Variants in LPP observed in about 807,000 individuals in gnomAD.
The protein encoded by LPP is LIM domain containing preferred translocation partner in lipoma, also known as lipoma-preferred partner.
In LPP, 38 loss-of-function variants were observed where a neutral mutation model predicts 60.4. The observed-to-expected ratio is 0.63, with a 90% CI of 0.49 to 0.83. The LOEUF is 0.83. LPP is among the 40% of genes least tolerant of loss of function. The probability of loss-of-function intolerance (pLI) is 0.00; values close to 1 mark genes in which losing one functional copy is unlikely to be tolerated. For synonymous variants in LPP, 328 were observed against 290.8 expected, an observed-to-expected ratio of 1.13 and a Z score of -1.30; for missense variants, 902 against 783.6, an observed-to-expected ratio of 1.15 and a Z score of -1.80.
Position 188,877,093 on chromosome 3 carries a change from A to G in LPP, c.*2614A>G, listed in dbSNP as rs1297206415. 2 of 173,790 alleles carry G rather than the reference A, an allele frequency of 1.2e-5. No homozygotes were observed. The highest frequency in any genetic ancestry group is 2.5e-5 in the Non-Finnish European group (2 of 80,482). 10.8% of individuals were successfully genotyped at this position (173,790 alleles called of 1,614,324 possible). ...TTTTTTTCTTTCACAAGGTATAATA[A>G]GGAAAGGATCCTACAATATTTTATT... On this transcript the variant is annotated 3_prime_UTR_variant, in exon 12 of 12. Coordinates refer to ENST00000617246, the MANE Select transcript of LPP (RefSeq NM_001375462.1).
At chr3:188,377,570 G>C (rs1040650310) in intron 3 of LPP, among the ~76,000 whole-genome samples, 1 of 152,096 alleles carries the variant, frequency 6.6e-6, no homozygotes, top group Non-Finnish European at 1.5e-5. Flanking sequence ...GTCCTTTAAG[G>C]ACTTCTCTGC....
At chr3:188,845,708 C>A (rs1191448843) in intron 9 of LPP, among the ~76,000 whole-genome samples, 1 of 152,116 alleles carries the variant, frequency 6.6e-6, no homozygotes, top group Admixed American at 6.5e-5. Flanking sequence ...AGAGCACTGA[C>A]GTGGGAATTG....
intron 3 of LPP, among the ~76,000 whole-genome samples, chr3:188,346,592 T>C (rs1764467254): frequency 6.6e-6 from 1 of 152,146 alleles, no homozygotes. Context: ...TATACGTGTG[T>C]GTATGTGCGT....
chr3:188,459,534 A>G (rs1798517577), intron 4 of LPP, among the ~76,000 whole-genome samples: 1 of 152,194 alleles, frequency 6.6e-6, no homozygotes, highest in Admixed American at 6.5e-5. Context: ...TTTACGTAGC[A>G]GTTCCTGATT....
chr3:188,749,976 A>C (rs1275629905), intron 8 of LPP, among the ~76,000 whole-genome samples: 1 of 152,182 alleles, frequency 6.6e-6, no homozygotes, highest in Non-Finnish European at 1.5e-5. Context: ...TAATTTATAA[A>C]GAATGAAAAT....
At chr3:188,734,235 G>A (rs181414687) in intron 8 of LPP, among the ~76,000 whole-genome samples, 3 of 152,138 alleles carry the variant, frequency 2.0e-5, no homozygotes. Context: ...TATCATAAAG[G>A]TGTTATAATT....
chr3:188,306,460 A>C (rs1251148027), intron 2 of LPP, among the ~76,000 whole-genome samples: 1 of 152,090 alleles, frequency 6.6e-6, no homozygotes, highest in Non-Finnish European at 1.5e-5. Context: ...CAAAGCTCCT[A>C]TTTCAGTGTC....
intron 5 of LPP, among the ~76,000 whole-genome samples, chr3:188,509,869 T>TGGC (rs1814866147): frequency 1.6e-5 from 1 of 61,536 alleles, no homozygotes; most frequent in Non-Finnish European, 3.7e-5. Context: ...ATTTTTTTTT[T>TGGC]GTTGTTTTTT....
At position 188,609,766 on chromosome 3, in the gene LPP, G is replaced by A. The variant is rs1374331104; in HGVS notation, c.1035G>A (p.Met345Ile). The A allele has an allele frequency of 1.2e-6, 2 of 1,614,044 alleles. No homozygotes were observed. Among genetic ancestry groups the A allele is most frequent in the Non-Finnish European group, 1.7e-6 (2 of 1,179,998 alleles). ...CAGGGAACCAGAACCCTCCTGGGATGTATCCAGTCACTGGTCCCAAGAAGA... is the reference window on the plus strand; with the variant it reads ...CAGGGAACCAGAACCCTCCTGGGATATATCCAGTCACTGGTCCCAAGAAGA... ...PGAGNQNPPG[M>I]YPVTGPKKTY... is the part of the protein sequence containing the mutation. Residue 345 changes from methionine (M) to isoleucine (I), a missense_variant, in exon 7 of 12, where the codon ATG becomes ATA. Coordinates refer to ENST00000617246, the MANE Select transcript of LPP (RefSeq NM_001375462.1). The surrounding 1 kb of genome is among the most constrained non-coding windows in gnomAD (Gnocchi z 6.9).
chr3:188,497,270 G>A (rs1810513757), intron 5 of LPP, among the ~76,000 whole-genome samples: 1 of 152,046 alleles, frequency 6.6e-6, no homozygotes, highest in Non-Finnish European at 1.5e-5. Flanking sequence ...CCTCAGAGTC[G>A]AATCTCAGTG....
At chr3:188,861,915 T>C (rs1368547572) in intron 9 of LPP, among the ~76,000 whole-genome samples, 1 of 152,232 alleles carries the variant, frequency 6.6e-6, no homozygotes, top group African/African-American at 2.4e-5. Context: ...AACCATACTT[T>C]CATTGGAGTA....
chr3:188,429,112 C>G (rs1274882229), intron 4 of LPP, among the ~76,000 whole-genome samples: 2 of 152,050 alleles, frequency 1.3e-5, no homozygotes, highest in African/African-American at 4.8e-5. Flanking sequence ...GAACTCTAAG[C>G]CTTTCATCAT....
At chr3:188,670,533 T>C (rs1446688747) in intron 7 of LPP, among the ~76,000 whole-genome samples, 1 of 152,080 alleles carries the variant, frequency 6.6e-6, no homozygotes. Flanking sequence ...CCACTGTTAT[T>C]CAAGGCTATC....
intron 4 of LPP, among the ~76,000 whole-genome samples, chr3:188,431,735 T>C (rs1243417510): frequency 6.6e-6 from 1 of 152,184 alleles, no homozygotes; most frequent in African/African-American, 2.4e-5. Context: ...TAAAACAATG[T>C]GATTGAACAA....
At position 188,760,234 on chromosome 3, in the gene LPP, G is replaced by A. The variant is rs747889832; in HGVS notation, c.1362G>A (p.Gln454=). Residue 454 remains glutamine (Q), a synonymous_variant, in exon 9 of 12, where the codon CAG becomes CAA. Coordinates refer to ENST00000617246, the MANE Select transcript of LPP (RefSeq NM_001375462.1). ...TCTGCAACAACAAGCTCCGAGGGCA[G>A]CCATTCTATGCTGTGGAAAAGAAAG... The part of the protein sequence containing the change: ...CIICNNKLRG[Q]PFYAVEKKAY... The A allele has an allele frequency of 6.2e-7, 1 of 1,614,166 alleles. No homozygotes were observed. Among genetic ancestry groups the A allele is most frequent in the Non-Finnish European group, 8.5e-7 (1 of 1,180,016 alleles).
At chr3:188,685,351 G>A (rs1430184779) in intron 7 of LPP, among the ~76,000 whole-genome samples, 1 of 152,084 alleles carries the variant, frequency 6.6e-6, no homozygotes, top group Admixed American at 6.6e-5. Flanking sequence ...ACAGCCGTGA[G>A]CATAGTGTGG....
intron 6 of LPP, among the ~76,000 whole-genome samples, chr3:188,541,183 G>A (rs957242017): frequency 6.6e-6 from 1 of 152,048 alleles, no homozygotes; most frequent in Non-Finnish European, 1.5e-5. Context: ...GCTAAAGCAT[G>A]TAAAGCAATA....
intron 7 of LPP, among the ~76,000 whole-genome samples, chr3:188,636,758 C>G (rs1274664650): frequency 6.6e-6 from 1 of 151,962 alleles, no homozygotes; most frequent in Non-Finnish European, 1.5e-5. Context: ...CCCCTGACCC[C>G]CGAGCAGCCT....
At chr3:188,390,171 C>T (rs1394918856) in intron 3 of LPP, among the ~76,000 whole-genome samples, 1 of 152,144 alleles carries the variant, frequency 6.6e-6, no homozygotes, top group African/African-American at 2.4e-5. Context: ...CTGCCCCTCC[C>T]TGCAATCTTT....
Sources: allele counts gnomAD v4.1 joint callset (sites outside exome capture counted in the v4.1 genomes callset), GRCh38; gene constraint gnomAD v4.1.1; non-coding constraint Gnocchi (gnomAD v3.1); transcripts MANE v1.5; gene names NCBI Gene and HGNC (gene_info 2026-07-23, HGNC 2026-07-21).